DAB1: variants seen among roughly 807,000 people sequenced by gnomAD.
The protein encoded by DAB1 is DAB adaptor protein 1, also known as disabled homolog 1.
Under a neutral mutation model 64.6 loss-of-function variants are expected in DAB1, and 15 were observed. The ratio of observed to expected loss-of-function variants is 0.23; its 90% confidence interval spans 0.16 to 0.36. The LOEUF is 0.36. Among genes scored for constraint, DAB1 ranks in the 10% least tolerant of loss-of-function variants. The pLI is 1.00. For synonymous variants in DAB1, 235 were observed against 251.9 expected (o/e 0.93, Z 0.64); for missense variants, 596 against 706.7 (o/e 0.84, Z 1.78).
chr1:58,004,873 G>T (rs1346902454), intron 5 of DAB1, among the ~76,000 whole-genome samples: 1 of 152,034 alleles, frequency 6.6e-6, no homozygotes, highest in Non-Finnish European at 1.5e-5. Flanking sequence ...GCTTCCTGAA[G>T]AGTGGAAAAC....
Position 58,095,796 on chromosome 1 carries a change from A to T in DAB1, n.387+54715T>A, listed in dbSNP as rs150977561. 5.6e-4 allele frequency among the ~76,000 whole-genome samples: 86 copies of T among 152,360 alleles called. No individual in the cohort carries two copies. In the East Asian group the frequency reaches 0.014, roughly 24 times the overall value. Reference sequence around the variant, plus strand: ...GAAGGTACCAATTATCATATCTAAAAATGCCTAAAAAGGTAATGATTCAGC... The same window carrying T: ...GAAGGTACCAATTATCATATCTAAATATGCCTAAAAAGGTAATGATTCAGC... On this transcript the variant is annotated intron_variant and non_coding_transcript_variant, in intron 5 of 20. Transcript: ENST00000485760.
At chr1:58,032,181 C>T (rs75133070) in intron 5 of DAB1, among the ~76,000 whole-genome samples, 1,721 of 152,184 alleles carry the variant, frequency 0.011, 13 homozygotes, top group Non-Finnish European at 0.017. Flanking sequence ...TTTAACAAGA[C>T]GCCAGGTGAG....
intron 1 of DAB1, among the ~76,000 whole-genome samples, chr1:57,844,173 A>C (rs1015437550): frequency 8.5e-5 from 13 of 152,244 alleles, no homozygotes; most frequent in African/African-American, 3.1e-4. Flanking sequence ...TACTCAGCCT[A>C]CCTGATATCC....
chr1:58,304,527 G>A (rs1662262679), intron 4 of DAB1, among the ~76,000 whole-genome samples: 1 of 152,156 alleles, frequency 6.6e-6, no homozygotes, highest in Non-Finnish European at 1.5e-5. Flanking sequence ...TTGGAAGGAG[G>A]CCATTTCCAT....
chr1:57,708,111 G>A (rs895804156), intron 6 of DAB1, among the ~76,000 whole-genome samples: 12 of 152,190 alleles, frequency 7.9e-5, no homozygotes, highest in African/African-American at 2.9e-4. Flanking sequence ...CCCAAGGCCT[G>A]CAGCTACCAC....
At chr1:58,346,329 C>T (rs1392256496) in intron 3 of DAB1, among the ~76,000 whole-genome samples, 1 of 152,150 alleles carries the variant, frequency 6.6e-6, no homozygotes, top group Non-Finnish European at 1.5e-5. Flanking sequence ...TGCCTAGGGT[C>T]CTCATATTGT....
At chr1:57,945,026 G>A (rs1045200421) in intron 5 of DAB1, among the ~76,000 whole-genome samples, 1 of 152,164 alleles carries the variant, frequency 6.6e-6, no homozygotes, top group African/African-American at 2.4e-5. Flanking sequence ...AATATAGAAT[G>A]TCCTGTAAGT....
At chr1:57,491,316 G>A (rs1006612476) in intron 7 of DAB1, among the ~76,000 whole-genome samples, 13 of 150,584 alleles carry the variant, frequency 8.6e-5, no homozygotes, top group African/African-American at 2.9e-4. Flanking sequence ...TAGTCCCAGC[G>A]ACTCGGGAGG....
At position 57,858,840 on chromosome 1, in the gene DAB1, G is replaced by A. The variant is rs116030563; in HGVS notation, n.87+25159C>T. Among the ~76,000 whole-genome samples the A allele has an allele frequency of 9.6e-3, 1,445 of 151,106 alleles. 18 individuals are homozygous for A. Among genetic ancestry groups the A allele is most frequent in the Admixed American group, 0.03 (457 of 15,090 alleles). On this transcript the variant is annotated intron_variant and non_coding_transcript_variant, in intron 1 of 1. Transcript: ENST00000477280. ...CAAAGAAACTGAAGTTGGGGAAACAGTTCAGTCCACTAACCTGAGGGGTAC... is the reference window on the plus strand; with the variant it reads ...CAAAGAAACTGAAGTTGGGGAAACAATTCAGTCCACTAACCTGAGGGGTAC...
At chr1:58,306,812 T>G (rs1474853096) in intron 4 of DAB1, among the ~76,000 whole-genome samples, 1 of 152,232 alleles carries the variant, frequency 6.6e-6, no homozygotes, top group African/African-American at 2.4e-5. Flanking sequence ...AGTATTGACC[T>G]GTCTCTCTCC....
intron 3 of DAB1, among the ~76,000 whole-genome samples, chr1:58,423,328 A>G (rs996682890): frequency 6.6e-6 from 1 of 152,228 alleles, no homozygotes; most frequent in Non-Finnish European, 1.5e-5. Flanking sequence ...ATATCAAAAA[A>G]GAGAGTGCCT....
At chr1:58,097,708 G>C (rs952463012) in intron 5 of DAB1, among the ~76,000 whole-genome samples, 1 of 152,188 alleles carries the variant, frequency 6.6e-6, no homozygotes, top group African/African-American at 2.4e-5. Flanking sequence ...CCGAGGTAGG[G>C]GGTGTTGGTA....
chr1:57,179,797 C>T (rs967359903), intron 2 of DAB1, among the ~76,000 whole-genome samples: 2 of 152,134 alleles, frequency 1.3e-5, no homozygotes, highest in Non-Finnish European at 2.9e-5. Flanking sequence ...AATTGCTTTA[C>T]ATGTCATAAG....
chr1:57,722,861 C>T (rs1022097536), intron 6 of DAB1, among the ~76,000 whole-genome samples: 8 of 152,230 alleles, frequency 5.3e-5, no homozygotes, highest in Non-Finnish European at 1.2e-4. Context: ...GGACTCAGAT[C>T]ATCTGAGTTA....
intron 2 of DAB1, among the ~76,000 whole-genome samples, chr1:57,249,263 C>T (rs1480593989): frequency 6.6e-6 from 1 of 152,156 alleles, no homozygotes; most frequent in African/African-American, 2.4e-5. Context: ...TTACCCCATC[C>T]TATTGAGTAT....
intron 3 of DAB1, among the ~76,000 whole-genome samples, chr1:58,495,155 A>C (rs1557440896): frequency 6.6e-6 from 1 of 152,222 alleles, no homozygotes; most frequent in Non-Finnish European, 1.5e-5. Flanking sequence ...CATTCTCAGC[A>C]AACTATTGCA....
At chr1:58,402,424 T>C (rs1299059651) in intron 3 of DAB1, among the ~76,000 whole-genome samples, 2 of 152,198 alleles carry the variant, frequency 1.3e-5, no homozygotes, top group Non-Finnish European at 2.9e-5. Context: ...TGACCACAAA[T>C]AGGCATCTTC....
At chr1:57,782,177 G>A (rs908701099) in intron 6 of DAB1, among the ~76,000 whole-genome samples, 5 of 152,084 alleles carry the variant, frequency 3.3e-5, no homozygotes, top group Non-Finnish European at 5.9e-5. Flanking sequence ...TTCGAGGTAC[G>A]CTCCTTTTCT....
chr1:57,534,667 G>A (rs1272650336), intron 7 of DAB1, among the ~76,000 whole-genome samples: 7 of 152,118 alleles, frequency 4.6e-5, no homozygotes, highest in East Asian at 1.9e-4. Flanking sequence ...CGTGTTCCTC[G>A]TTTAGAGTCT....
Sources: gnomAD v4.1 joint callset for allele counts (sites outside exome capture counted in the v4.1 genomes callset) on GRCh38, gnomAD v4.1.1 for gene constraint, MANE v1.5 for transcripts, NCBI Gene and HGNC (gene_info 2026-07-23, HGNC 2026-07-21) for gene names.